The following ADAMTS6 variants were observed in gnomAD, a reference collection of about 807,000 sequenced individuals.
The protein encoded by ADAMTS6 is A disintegrin and metalloproteinase with thrombospondin motifs 6.
A neutral mutation model predicts 144.3 loss-of-function variants in ADAMTS6; 23 were observed. The observed-to-expected ratio is 0.16, with a 90% CI of 0.11 to 0.23. The LOEUF (loss-of-function observed/expected upper bound fraction) is 0.23, where lower values mean the gene tolerates loss of function less well. ADAMTS6 is among the 10% of genes least tolerant of loss of function. The pLI is 1.00. For synonymous variants in ADAMTS6, 444 were observed against 457.5 expected (o/e 0.97, Z 0.38); for missense variants, 999 against 1,379.6 (o/e 0.72, Z 4.37).
intron 7 of ADAMTS6, among the ~76,000 whole-genome samples, chr5:65,357,645 A>G (rs111403991): frequency 0.045 from 6,806 of 151,812 alleles, 286 homozygotes; most frequent in African/African-American, 0.11. Context: ...AAACATAAAC[A>G]AAAGAGATGG....
chr5:65,440,591 C>T (rs915486974), intron 7 of ADAMTS6, among the ~76,000 whole-genome samples: 2 of 152,236 alleles, frequency 1.3e-5, no homozygotes, highest in African/African-American at 4.8e-5. Context: ...GCAAAGGATT[C>T]CCCTTAACTA....
At chr5:65,434,382 C>G (rs990674305) in intron 7 of ADAMTS6, among the ~76,000 whole-genome samples, 1 of 151,970 alleles carries the variant, frequency 6.6e-6, no homozygotes, top group Non-Finnish European at 1.5e-5. Flanking sequence ...AACTAAAAAC[C>G]GTTGAATAAA....
chr5:65,339,670 A>G (rs1244519339), intron 7 of ADAMTS6, among the ~76,000 whole-genome samples: 3 of 152,094 alleles, frequency 2.0e-5, no homozygotes, highest in African/African-American at 7.2e-5. Flanking sequence ...TAAAAAATAG[A>G]AGAAAAGAGA....
chr5:65,277,197 A>G (rs1420391181), intron 11 of ADAMTS6, among the ~76,000 whole-genome samples: 1 of 152,196 alleles, frequency 6.6e-6, no homozygotes, highest in South Asian at 2.1e-4. Flanking sequence ...ATGCCTGGCA[A>G]TACAAAAGTA....
intron 12 of ADAMTS6, among the ~76,000 whole-genome samples, chr5:65,271,929 T>G (rs536551700): frequency 2.6e-4 from 40 of 152,226 alleles, no homozygotes; most frequent in Non-Finnish European, 5.0e-4. Flanking sequence ...GTATTTTTAT[T>G]GGCTACTTAC....
intron 10 of ADAMTS6, among the ~76,000 whole-genome samples, chr5:65,295,629 T>C (rs1391619176): frequency 6.6e-6 from 1 of 152,114 alleles, no homozygotes; most frequent in Non-Finnish European, 1.5e-5. Context: ...GACCTGTGAT[T>C]ATTTCCCTAG....
At chr5:65,274,926 G>GC (rs967417068) in intron 11 of ADAMTS6, among the ~76,000 whole-genome samples, 1 of 152,046 alleles carries the variant, frequency 6.6e-6, no homozygotes. Context: ...CTCGTGATCT[G>GC]CCCCCACTTG....
intron 21 of ADAMTS6, among the ~76,000 whole-genome samples, chr5:65,190,895 G>A (rs1754978805): frequency 6.6e-6 from 1 of 151,874 alleles, no homozygotes; most frequent in Non-Finnish European, 1.5e-5. Flanking sequence ...AAACAGTTTT[G>A]CAATTCTACC....
chr5:65,415,838 G>A (rs1755463904), intron 7 of ADAMTS6: 2 of 239,742 alleles, frequency 8.3e-6, no homozygotes, highest in Admixed American at 5.2e-5. Flanking sequence ...GTCCCTGTGT[G>A]CACAGGCTAC....
chr5:65,314,065 C>T (rs953036765), intron 9 of ADAMTS6, among the ~76,000 whole-genome samples: 5 of 151,970 alleles, frequency 3.3e-5, no homozygotes, highest in African/African-American at 1.2e-4. Context: ...TTGGAATAAA[C>T]AGACAGGGAA....
At chr5:65,392,694 A>C (rs1372792821) in intron 7 of ADAMTS6, among the ~76,000 whole-genome samples, 1 of 152,074 alleles carries the variant, frequency 6.6e-6, no homozygotes, top group African/African-American at 2.4e-5. Flanking sequence ...TGCAAAGTTA[A>C]ATTATCTTTA....
intron 7 of ADAMTS6, among the ~76,000 whole-genome samples, chr5:65,408,912 C>T (rs1012099816): frequency 1.3e-5 from 2 of 152,154 alleles, no homozygotes; most frequent in African/African-American, 4.8e-5. Flanking sequence ...GGGTACATAA[C>T]GAAATGAAGG....
intron 9 of ADAMTS6, among the ~76,000 whole-genome samples, chr5:65,305,424 G>A (rs1322420353): frequency 6.6e-6 from 1 of 152,028 alleles, no homozygotes; most frequent in African/African-American, 2.4e-5. Context: ...CTAATAACAG[G>A]TATTAAACAA....
chr5:65,359,954 T>G (rs1173315146), intron 7 of ADAMTS6, among the ~76,000 whole-genome samples: 7 of 152,212 alleles, frequency 4.6e-5, no homozygotes, highest in Admixed American at 4.6e-4. Context: ...CTGATAATAA[T>G]GTATACTTAA....
intron 7 of ADAMTS6, among the ~76,000 whole-genome samples, chr5:65,394,840 A>T (rs1459846983): frequency 6.6e-6 from 1 of 152,162 alleles, no homozygotes. Flanking sequence ...CTTCTGTCTT[A>T]TCTACTCTAA....
At chr5:65,420,827 AT>A (rs1415436654) in intron 7 of ADAMTS6, among the ~76,000 whole-genome samples, 1 of 152,238 alleles carries the variant, frequency 6.6e-6, no homozygotes, top group African/African-American at 2.4e-5. Flanking sequence ...AAGTTTGAAC[AT>A]TGTTTAAAGG....
At chr5:65,196,387 G>A (rs924928988) in intron 21 of ADAMTS6, among the ~76,000 whole-genome samples, 9 of 151,910 alleles carry the variant, frequency 5.9e-5, no homozygotes, top group East Asian at 1.9e-4. Context: ...GCCGGGTGTG[G>A]TGGTGGGCGC....
intron 7 of ADAMTS6, among the ~76,000 whole-genome samples, chr5:65,433,829 C>A (rs2150220507): frequency 6.6e-6 from 1 of 152,246 alleles, no homozygotes; most frequent in Admixed American, 6.5e-5. Context: ...AATAGTGCAG[C>A]CACTTTGGAA....
chr5:65,230,899 T>A (rs1289537917), intron 15 of ADAMTS6, among the ~76,000 whole-genome samples: 1 of 145,248 alleles, frequency 6.9e-6, no homozygotes, highest in African/African-American at 2.5e-5. Context: ...AAAATACATA[T>A]ATATATGAAA....
Sources: allele counts gnomAD v4.1 joint callset (sites outside exome capture counted in the v4.1 genomes callset), GRCh38; gene constraint gnomAD v4.1.1; transcripts MANE v1.5; gene names NCBI Gene and HGNC (gene_info 2026-07-23, HGNC 2026-07-21).